The following RIC3 variants were observed in gnomAD, a reference collection of about 807,000 sequenced individuals.
RIC3 encodes protein RIC-3.
In RIC3, 28 loss-of-function variants were observed where a neutral mutation model predicts 27.3. The observed-to-expected ratio is 1.02, with a 90% CI of 0.76 to 1.41. The LOEUF (loss-of-function observed/expected upper bound fraction) is 1.41, where lower values mean the gene tolerates loss of function less well. Among genes scored for constraint, RIC3 ranks in the 40% most tolerant of loss-of-function variants. RIC3 has a pLI of 0.00. For missense variants in RIC3, 501 were observed against 444.7 expected (o/e 1.13, Z -1.14); for synonymous variants, 184 against 160.4 (o/e 1.15, Z -1.11).
In RIC3 at chr11:8,106,091, A is replaced by C. The variant is rs1944601653; in HGVS notation, c.*4607T>G. The stretch of plus-strand genomic sequence containing the variant: ...TGTGCTTTTATTGACTTTTTGAATA[A>C]ACTTTGGTATTCTGGAGCAAATGTA... On this transcript the variant is annotated 3_prime_UTR_variant, in exon 6 of 6. Coordinates refer to ENST00000309737, the MANE Select transcript of RIC3 (RefSeq NM_001206671.4). The C allele has an allele frequency of 6.6e-6, 1 of 152,174 alleles. No homozygotes were observed. Among genetic ancestry groups the C allele is most frequent in the African/African-American group, 2.4e-5 (1 of 41,422 alleles). The allele number at this position is 152,174 out of a possible 1,614,324, so 9.4% of individuals were successfully genotyped here. A position where few individuals can be genotyped will look rare whatever the true frequency, so the allele number is the denominator to read the frequency against.
intron 1 of RIC3, among the ~76,000 whole-genome samples, chr11:8,167,964 T>A (rs540366610): frequency 6.6e-6 from 1 of 152,288 alleles, no homozygotes; most frequent in African/African-American, 2.4e-5. Context: ...CTACAGTCAA[T>A]GTGCATAAAG....
In RIC3 at chr11:8,124,203, T is replaced by C. The variant is rs192120197; in HGVS notation, c.670+2456A>G. 3.1e-3 allele frequency among the ~76,000 whole-genome samples: 466 copies of C among 152,154 alleles called. 1 individual carries two copies. The highest frequency in any genetic ancestry group is 5.2e-3 in the Non-Finnish European group (351 of 68,000). Reference sequence around the variant, plus strand: ...ATAACTTTTATGGAATAAATAACAGTAACTCTATGAAACTTTTCCAGAAAA... The same window carrying C: ...ATAACTTTTATGGAATAAATAACAGCAACTCTATGAAACTTTTCCAGAAAA... On this transcript the variant is annotated intron_variant, in intron 5 of 5. Coordinates refer to ENST00000309737, the MANE Select transcript of RIC3 (RefSeq NM_001206671.4).
At chr11:8,151,384 G>A (rs1181326408) in intron 1 of RIC3, among the ~76,000 whole-genome samples, 1 of 151,236 alleles carries the variant, frequency 6.6e-6, no homozygotes, top group Admixed American at 6.6e-5. Flanking sequence ...TCAGGAGATC[G>A]AGACCATCCT....
In RIC3 at chr11:8,126,502, C is replaced by A. The variant is rs151179024; in HGVS notation, c.670+157G>T. Among the ~76,000 whole-genome samples the A allele has an allele frequency of 3.8e-3, 576 of 152,244 alleles. 1 individual carries two copies. Among genetic ancestry groups the A allele is most frequent in the Admixed American group, 6.4e-3 (98 of 15,292 alleles). On this transcript the variant is annotated intron_variant, in intron 5 of 5. Coordinates refer to ENST00000309737, the MANE Select transcript of RIC3 (RefSeq NM_001206671.4). ...AAATTACGGTGTGATTACACAAACT[C>A]TATATATTTGTCAAAACTCATCCAA... is the stretch of plus-strand genomic sequence containing the variant.
intron 5 of RIC3, among the ~76,000 whole-genome samples, chr11:8,117,412 G>A (rs1481554092): frequency 3.3e-5 from 5 of 152,186 alleles, no homozygotes; most frequent in African/African-American, 1.2e-4. Flanking sequence ...CAACCTAGAT[G>A]AACTTGGAGG....
rs1024185007 is a variant in RIC3 at position 8,107,540 on chromosome 11, C to T, written c.*3158G>A. On this transcript the variant is annotated 3_prime_UTR_variant, in exon 6 of 6. Transcript: ENST00000309737. ...TAATTATATTAAAGCTCCCTTTTTC[C>T]AAAGTGTTTGAATTTGGACCTTAAG... 9 of 152,080 alleles carry T rather than the reference C, an allele frequency of 5.9e-5. No individual in the cohort carries two copies. Among genetic ancestry groups the T allele is most frequent in the African/African-American group, 1.7e-4 (7 of 41,408 alleles). 9.4% of individuals were successfully genotyped at this position (152,080 alleles called of 1,614,324 possible). A position where few individuals can be genotyped will look rare whatever the true frequency, so the allele number is the denominator to read the frequency against.
intron 1 of RIC3, among the ~76,000 whole-genome samples, chr11:8,161,921 G>A (rs1488468202): frequency 1.2e-4 from 16 of 137,912 alleles, no homozygotes; most frequent in African/African-American, 4.1e-4. Context: ...CACTTTCTCC[G>A]GGCAATGGAA....
intron 5 of RIC3, among the ~76,000 whole-genome samples, chr11:8,126,164 G>A (rs980266906): frequency 1.3e-5 from 2 of 152,204 alleles, no homozygotes; most frequent in Admixed American, 6.5e-5. Context: ...ATAGCTGCTT[G>A]AGTCATAAGA....
rs1401718295 is a variant in RIC3, at chr11:8,109,003, T to A, written c.*1695A>T. 6.6e-6 allele frequency: 1 copy of A among 152,232 alleles called. No homozygotes were observed. The highest frequency in any genetic ancestry group is 2.4e-5 in the African/African-American group (1 of 41,462). The allele number at this position is 152,232 out of a possible 1,614,324, so 9.4% of individuals were successfully genotyped here. On this transcript the variant is annotated 3_prime_UTR_variant, in exon 6 of 6. Transcript: ENST00000309737. ...CCTTTCGTGTACAATACATCTAGATTGCATTCAGTATATTTTAAACTGCAT... is the reference window on the plus strand; with the variant it reads ...CCTTTCGTGTACAATACATCTAGATAGCATTCAGTATATTTTAAACTGCAT...
intron 5 of RIC3, among the ~76,000 whole-genome samples, chr11:8,119,268 G>A (rs1946196613): frequency 6.6e-6 from 1 of 152,164 alleles, no homozygotes; most frequent in Admixed American, 6.5e-5. Flanking sequence ...AAAAGCTGGA[G>A]GCATCATGCT....
At chr11:8,139,257 C>T (rs1199301887) in intron 2 of RIC3, 13 of 152,446 alleles carry the variant, frequency 8.5e-5, no homozygotes, top group Admixed American at 8.5e-4. Context: ...CGAGAAAGAA[C>T]TCATCTTATT....
chr11:8,164,505 G>A (rs1951489821), intron 1 of RIC3, among the ~76,000 whole-genome samples: 1 of 152,106 alleles, frequency 6.6e-6, no homozygotes, highest in South Asian at 2.1e-4. Flanking sequence ...GCCAAGTGTG[G>A]TGGCTTACAC....
chr11:8,161,781 C>T (rs1468683200), intron 1 of RIC3, among the ~76,000 whole-genome samples: 1 of 152,126 alleles, frequency 6.6e-6, no homozygotes, highest in Non-Finnish European at 1.5e-5. Flanking sequence ...TGAGGTGGGA[C>T]AATGACTTGA....
intron 5 of RIC3, among the ~76,000 whole-genome samples, chr11:8,124,970 T>C (rs1040588869): frequency 6.6e-6 from 1 of 152,004 alleles, no homozygotes; most frequent in African/African-American, 2.4e-5. Flanking sequence ...ACATAAAAAA[T>C]GGGCTGGGCA....
intron 5 of RIC3, among the ~76,000 whole-genome samples, chr11:8,113,655 A>G (rs1945511886): frequency 6.6e-6 from 1 of 151,712 alleles, no homozygotes; most frequent in Non-Finnish European, 1.5e-5. Context: ...CATTCCCACA[A>G]TCCAGCAGAC....
downstream of RIC3, chr11:8,104,979 T>TAAATAAACTTAGCATTTTA (rs1944484308): frequency 6.6e-6 from 1 of 151,776 alleles, no homozygotes; most frequent in African/African-American, 2.4e-5. Context: ...ATTTACCTCT[T>TAAATAAACTTAGCATTTTA]AAATAAACTT....
At chr11:8,095,707 C>G in the RIC3 span, 1 of 1,545,604 alleles carries the variant, frequency 6.5e-7, no homozygotes, top group Non-Finnish European at 8.8e-7. Context: ...AAAACTCAGT[C>G]CCAGGTTCTC....
At chr11:8,119,694 T>C (rs1187095432) in intron 5 of RIC3, among the ~76,000 whole-genome samples, 1 of 151,878 alleles carries the variant, frequency 6.6e-6, no homozygotes, top group African/African-American at 2.4e-5. Flanking sequence ...AACAGACAAA[T>C]AGGATCTAAT....
At chr11:8,168,599 G>A (rs1330633380) in intron 1 of RIC3, among the ~76,000 whole-genome samples, 1 of 152,194 alleles carries the variant, frequency 6.6e-6, no homozygotes, top group East Asian at 1.9e-4. Context: ...CGCCTAAACG[G>A]GAGTACGCAA....
Sources: allele counts gnomAD v4.1 joint callset (sites outside exome capture counted in the v4.1 genomes callset), GRCh38; gene constraint gnomAD v4.1.1; transcripts MANE v1.5; gene names NCBI Gene and HGNC (gene_info 2026-07-23, HGNC 2026-07-21).